Variants in DIP2C observed in about 807,000 individuals in gnomAD.
DIP2C encodes DIP2 acetate--CoA ligase C (putative).
DIP2C carries 33 observed loss-of-function variants against 192.4 expected under a neutral mutation model. The ratio of observed to expected loss-of-function variants is 0.17; its 90% confidence interval spans 0.13 to 0.23. The LOEUF (loss-of-function observed/expected upper bound fraction) is 0.23, where lower values mean the gene tolerates loss of function less well. Ranked by LOEUF, DIP2C falls within the 10% of genes least tolerant of loss-of-function variation. DIP2C has a pLI of 1.00. For missense variants in DIP2C, 1,537 were observed against 2,110.1 expected (o/e 0.73, Z 5.32); for synonymous variants, 979 against 864.1 (o/e 1.13, Z -2.33).
intron 1 of DIP2C, among the ~76,000 whole-genome samples, chr10:641,937 C>T (rs1855218381): frequency 6.6e-6 from 1 of 152,016 alleles, no homozygotes. Context: ...GTGGGAGGAT[C>T]ACCTGAGCCC....
intron 3 of DIP2C, among the ~76,000 whole-genome samples, chr10:449,920 C>CAAAAAAAAAAAAAAAAAAAA (rs59135780): frequency 4.4e-5 from 6 of 135,908 alleles, no homozygotes; most frequent in Admixed American, 7.1e-5. Context: ...TCAACAACAA[C>CAAAAAAAAAAAAAAAAAAAA]AAAAAAAAAA....
At chr10:660,067 G>A (rs756122028) in intron 1 of DIP2C, among the ~76,000 whole-genome samples, 1 of 152,254 alleles carries the variant, frequency 6.6e-6, no homozygotes, top group Non-Finnish European at 1.5e-5. Flanking sequence ...AGAAACAGAC[G>A]TCAGCAGAGC....
intron 1 of DIP2C, among the ~76,000 whole-genome samples, chr10:517,474 A>T (rs1402080004): frequency 6.6e-6 from 1 of 152,178 alleles, no homozygotes; most frequent in Non-Finnish European, 1.5e-5. Context: ...AGCTCCATGA[A>T]GACAGGGTCA....
chr10:668,424 A>C (rs1857246499), intron 1 of DIP2C: 1 of 152,262 alleles, frequency 6.6e-6, no homozygotes. Context: ...CATACAACCC[A>C]TACAACATAC....
intron 34 of DIP2C, among the ~76,000 whole-genome samples, chr10:284,176 G>A (rs1954979141): frequency 6.6e-6 from 1 of 152,176 alleles, no homozygotes; most frequent in Non-Finnish European, 1.5e-5. Flanking sequence ...GGGCTTGGCT[G>A]TTTCCATTAT....
At chr10:417,772 A>AAATAGGCCTCCCTGTCTGCCTGCG (rs1965799610) in intron 6 of DIP2C, among the ~76,000 whole-genome samples, 1 of 40,308 alleles carries the variant, frequency 2.5e-5, no homozygotes, top group Non-Finnish European at 4.8e-5. Flanking sequence ...GTCCACCTGC[A>AAATAGGCCTCCCTGTCTGCCTGCG]CCTGTCAGGG....
At chr10:448,121 A>T (rs375580968) in intron 3 of DIP2C, among the ~76,000 whole-genome samples, 5 of 60,470 alleles carry the variant, frequency 8.3e-5, no homozygotes, top group South Asian at 1.1e-3. Flanking sequence ...ACTCATCCCC[A>T]TCTATACTCA....
In DIP2C at chr10:357,873, A is replaced by G. The variant is rs1370193881; in HGVS notation, c.2859T>C (p.Ser953=). ...CTTCGATCTGACCCAGGTCTCTGCC[A>G]CTGGCCTGGGCGATTCTCTTCCCAG... The part of the protein sequence containing the change: ...LVSGKRIAQA[S]GRDLGQIEDN... Residue 953 remains serine (S), a synonymous_variant, in exon 23 of 37, where the codon AGT becomes AGC. Coordinates refer to ENST00000280886, the MANE Select transcript of DIP2C (RefSeq NM_014974.3). 1 of 1,612,740 alleles carries G rather than the reference A, an allele frequency of 6.2e-7. No individual in the cohort carries two copies. Among genetic ancestry groups the G allele is most frequent in the Non-Finnish European group, 8.5e-7 (1 of 1,179,908 alleles).
rs1205205104 is a variant in DIP2C, at chr10:678,634, T to C, written c.85+10860A>G. Among the ~76,000 whole-genome samples, 209 of 39,848 alleles carry C rather than the reference T, an allele frequency of 5.2e-3. 2 individuals are homozygous for C. Among genetic ancestry groups the C allele is most frequent in the African/African-American group, 0.014 (192 of 13,404 alleles). 26.1% of individuals were successfully genotyped at this position (39,848 alleles called of 152,430 possible). A position where few individuals can be genotyped will look rare whatever the true frequency, so the allele number is the denominator to read the frequency against. ...TCCCCGTGCCCATCTCTGCTCCCCA[T>C]GTCCATGCTCCCCGCACCTGTCCTC... On this transcript the variant is annotated intron_variant, in intron 1 of 36. Transcript: ENST00000280886.
At chr10:280,666 C>T (rs141681279) in intron 36 of DIP2C, among the ~76,000 whole-genome samples, 298 of 152,368 alleles carry the variant, frequency 2.0e-3, no homozygotes, top group African/African-American at 6.8e-3. Context: ...TCAGAGTCCT[C>T]ACCTGGGCCC....
At chr10:423,930 T>A (rs1742456398) in intron 4 of DIP2C, among the ~76,000 whole-genome samples, 1 of 152,264 alleles carries the variant, frequency 6.6e-6, no homozygotes, top group Non-Finnish European at 1.5e-5. Context: ...ATTCTCATTA[T>A]TGATTTTTCT....
chr10:480,453 T>TG (rs1248241160), intron 2 of DIP2C, among the ~76,000 whole-genome samples: 3 of 147,498 alleles, frequency 2.0e-5, no homozygotes, highest in African/African-American at 2.5e-5. Flanking sequence ...GCCTGAGCCC[T>TG]GGTCCATGCT....
At chr10:560,257 C>T (rs546800663) in intron 1 of DIP2C, among the ~76,000 whole-genome samples, 1 of 152,062 alleles carries the variant, frequency 6.6e-6, no homozygotes, top group Non-Finnish European at 1.5e-5. Flanking sequence ...TCAAGGTGGA[C>T]AGGATGGAGG....
chr10:455,019 CAGTG>C (rs1969172974), intron 3 of DIP2C, among the ~76,000 whole-genome samples: 1 of 152,220 alleles, frequency 6.6e-6, no homozygotes, highest in Non-Finnish European at 1.5e-5. Flanking sequence ...CAGCATTACA[CAGTG>C]AGCACACACA....
intron 36 of DIP2C, among the ~76,000 whole-genome samples, chr10:280,953 G>C (rs1954788855): frequency 6.6e-6 from 1 of 152,118 alleles, no homozygotes; most frequent in Non-Finnish European, 1.5e-5. Flanking sequence ...CCTGGAAAAT[G>C]TTGTCAAGTA....
chr10:376,134 G>C (rs530000964), intron 17 of DIP2C, among the ~76,000 whole-genome samples: 2 of 152,216 alleles, frequency 1.3e-5, no homozygotes, highest in East Asian at 3.9e-4. Context: ...ACGGGCCTCT[G>C]ACGTAGCTAA....
At position 358,239 on chromosome 10, in the gene DIP2C, T is replaced by C. The variant is rs531745559; in HGVS notation, c.2795-302A>G. ...CCCCGTGTGCCGGCACTCACAGCCA[T>C]GATTGTAAAAAATAAAACGGAAGAC... On this transcript the variant is annotated intron_variant, in intron 22 of 36. Transcript: ENST00000280886. 2.6e-5 allele frequency among the ~76,000 whole-genome samples: 4 copies of C among 151,944 alleles called. No individual in the cohort carries two copies. In the South Asian group the frequency reaches 6.3e-4, roughly 24 times the overall value.
intron 31 of DIP2C, among the ~76,000 whole-genome samples, chr10:323,255 GGCGAGAGACCGGC>G (rs1957092154): frequency 3.5e-5 from 1 of 28,282 alleles, no homozygotes; most frequent in Non-Finnish European, 7.0e-5. Context: ...GCGGGGCTCC[GGCGAGAGACCGGC>G]GTTGTTAGAA....
At chr10:277,884 A>G (rs1228292099) in intron 36 of DIP2C, among the ~76,000 whole-genome samples, 1 of 152,108 alleles carries the variant, frequency 6.6e-6, no homozygotes, top group African/African-American at 2.4e-5. Flanking sequence ...TCTGTGTTCC[A>G]GTGCTGCCTC....
Sources: allele counts gnomAD v4.1 joint callset (sites outside exome capture counted in the v4.1 genomes callset), GRCh38; gene constraint gnomAD v4.1.1; transcripts MANE v1.5; gene names NCBI Gene and HGNC (gene_info 2026-07-23, HGNC 2026-07-21).